The following R3HDM2 variants were observed in gnomAD, a reference collection of about 807,000 sequenced individuals.
The protein encoded by R3HDM2 is R3H domain containing 2.
A neutral mutation model predicts 124.5 loss-of-function variants in R3HDM2; 38 were observed. The observed-to-expected ratio is 0.31, with a 90% CI of 0.24 to 0.40. The LOEUF (loss-of-function observed/expected upper bound fraction) is 0.40. Among genes scored for constraint, R3HDM2 ranks in the 10% least tolerant of loss-of-function variants. R3HDM2 has a pLI of 1.00. For missense variants in R3HDM2, 869 were observed against 1,236.9 expected (o/e 0.70, Z 4.46); for synonymous variants, 391 against 448.0 (o/e 0.87, Z 1.61).
intron 9 of R3HDM2, among the ~76,000 whole-genome samples, chr12:57,295,910 G>A (rs915875563): frequency 9.9e-5 from 15 of 152,132 alleles, no homozygotes; most frequent in African/African-American, 3.1e-4. Context: ...TCACTGTATT[G>A]CCCAAGCTGG....
At chr12:57,427,084 A>G (rs1230005382) in intron 1 of R3HDM2, among the ~76,000 whole-genome samples, 2 of 152,118 alleles carry the variant, frequency 1.3e-5, no homozygotes, top group African/African-American at 2.4e-5. Flanking sequence ...CCAGGTCAGG[A>G]GTTCAAGACC....
At position 57,425,465 on chromosome 12, in the gene R3HDM2, A is replaced by G. The variant is rs553702334; in HGVS notation, c.-106+5255T>C. On this transcript the variant is annotated intron_variant, in intron 1 of 23. Transcript: ENST00000402412. ...CAATGTCCTCGCAAAGGTTTAAGCA[A>G]AAGCCTTAGCTTTGCCACTAGCATT... Among the ~76,000 whole-genome samples the G allele has an allele frequency of 1.8e-4, 27 of 152,256 alleles. 1 individual carries two copies. In the South Asian group the frequency reaches 5.6e-3, roughly 32 times the overall value.
chr12:57,322,733 C>G (rs1566147814), intron 2 of R3HDM2, among the ~76,000 whole-genome samples: 1 of 152,018 alleles, frequency 6.6e-6, no homozygotes, highest in Non-Finnish European at 1.5e-5. Flanking sequence ...AATCTAATAA[C>G]TTTCCCAAGT....
At chr12:57,386,627 G>C (rs557619099) in intron 2 of R3HDM2, among the ~76,000 whole-genome samples, 16 of 152,328 alleles carry the variant, frequency 1.1e-4, no homozygotes, top group Non-Finnish European at 2.1e-4. Context: ...CCAGTCCCAC[G>C]GACAGCCTAA....
chr12:57,395,213 A>T (rs1040039796), intron 2 of R3HDM2, among the ~76,000 whole-genome samples: 12 of 151,572 alleles, frequency 7.9e-5, no homozygotes, highest in East Asian at 5.8e-4. Flanking sequence ...AAAAAAAATT[A>T]AAAAAAATTA....
chr12:57,273,031 AG>A (rs766954440), intron 14 of R3HDM2, among the ~76,000 whole-genome samples: 9 of 152,144 alleles, frequency 5.9e-5, no homozygotes, highest in Non-Finnish European at 1.2e-4. Context: ...GGGTCATCCA[AG>A]GTCTGGCTCA....
chr12:57,291,058 T>G (rs951168170), intron 11 of R3HDM2, among the ~76,000 whole-genome samples: 1 of 152,118 alleles, frequency 6.6e-6, no homozygotes, highest in African/African-American at 2.4e-5. Context: ...TGGGCTATGG[T>G]TGAATAATTT....
chr12:57,346,539 T>G (rs1192777356), intron 2 of R3HDM2, among the ~76,000 whole-genome samples: 1 of 152,010 alleles, frequency 6.6e-6, no homozygotes, highest in Admixed American at 6.6e-5. Context: ...GAAAGAACTA[T>G]AAATACAGTA....
chr12:57,415,354 G>T (rs1443710527), intron 1 of R3HDM2: 1 of 152,002 alleles, frequency 6.6e-6, no homozygotes, highest in Non-Finnish European at 1.5e-5. Context: ...GATTTAGCAT[G>T]GCCCCTGACC....
chr12:57,398,030 A>T (rs1336288619), intron 1 of R3HDM2, among the ~76,000 whole-genome samples: 1 of 152,110 alleles, frequency 6.6e-6, no homozygotes, highest in Non-Finnish European at 1.5e-5. Flanking sequence ...AAAAATACAA[A>T]AATTAGCTGG....
rs139613661 is a variant in R3HDM2, at chr12:57,377,970, C to T, written c.-36+17779G>A. 1.1e-3 allele frequency among the ~76,000 whole-genome samples: 167 copies of T among 152,196 alleles called. 2 individuals carry two copies. The highest frequency in any genetic ancestry group is 3.9e-3 in the African/African-American group (160 of 41,536). ...AGGTGTGGTGGTGCATGCCTGTAAT[C>T]CCAGCTACGCGGGAGGCTGAAGGGA... On this transcript the variant is annotated intron_variant, in intron 2 of 23. Coordinates refer to ENST00000402412, the MANE Select transcript of R3HDM2 (RefSeq NM_001394031.1).
At chr12:57,418,462 C>T in intron 1 of R3HDM2, 1 of 332,020 alleles carries the variant, frequency 3.0e-6, no homozygotes. Flanking sequence ...CTTTGATGGA[C>T]ATGTAGTGAC....
At chr12:57,299,778 C>A (rs1282608448) in intron 5 of R3HDM2, among the ~76,000 whole-genome samples, 1 of 152,130 alleles carries the variant, frequency 6.6e-6, no homozygotes, top group Non-Finnish European at 1.5e-5. Context: ...AAAATAAGAT[C>A]TAGCCCTGGG....
At chr12:57,371,083 C>CCTTTTTTTTTT (rs2063312149) in intron 2 of R3HDM2, among the ~76,000 whole-genome samples, 3 of 40,886 alleles carry the variant, frequency 7.3e-5, no homozygotes, top group Non-Finnish European at 8.8e-5. Flanking sequence ...TATACCATTA[C>CCTTTTTTTTTT]TTTTTTTTTT....
intron 2 of R3HDM2, among the ~76,000 whole-genome samples, chr12:57,365,054 GGA>G (rs2062459914): frequency 1.3e-5 from 2 of 151,554 alleles, no homozygotes; most frequent in African/African-American, 4.9e-5. Context: ...CCTGAGGTCA[GGA>G]GTTCAAGATC....
At chr12:57,356,100 A>C (rs756482327) in intron 2 of R3HDM2, among the ~76,000 whole-genome samples, 5 of 152,074 alleles carry the variant, frequency 3.3e-5, no homozygotes, top group African/African-American at 4.8e-5. Context: ...CATCAGTACT[A>C]TGTTGAAAAG....
chr12:57,415,976 T>A (rs2069549121), intron 1 of R3HDM2, among the ~76,000 whole-genome samples: 1 of 152,194 alleles, frequency 6.6e-6, no homozygotes, highest in African/African-American at 2.4e-5. Context: ...GGGTAAGTTG[T>A]AAAGCATGTT....
chr12:57,382,855 AAAAAT>A (rs1425224041), intron 2 of R3HDM2, among the ~76,000 whole-genome samples: 6 of 151,740 alleles, frequency 4.0e-5, no homozygotes, highest in Admixed American at 1.3e-4. Context: ...TAACTAAATA[AAAAAT>A]AAAATAATTT....
chr12:57,355,815 CA>C (rs2061228628), intron 2 of R3HDM2, among the ~76,000 whole-genome samples: 1 of 152,192 alleles, frequency 6.6e-6, no homozygotes, highest in South Asian at 2.1e-4. Context: ...TGTGTCTTGT[CA>C]AATTTAGCCC....
Sources: gnomAD v4.1 joint callset for allele counts (sites outside exome capture counted in the v4.1 genomes callset) on GRCh38, gnomAD v4.1.1 for gene constraint, MANE v1.5 for transcripts, NCBI Gene and HGNC (gene_info 2026-07-23, HGNC 2026-07-21) for gene names.